Variants in LOC400499 observed in about 807,000 individuals in gnomAD.
chr16:11,387,151 G>C, the LOC400499 span: 1 of 1,232,278 alleles, frequency 8.1e-7, no homozygotes, highest in Non-Finnish European at 1.0e-6. Context: ...TGAGCCAGTA[G>C]TACTCAGCCA....
At chr16:11,402,093 G>A in the LOC400499 span, 1 of 399,228 alleles carries the variant, frequency 2.5e-6, no homozygotes, top group Middle Eastern at 6.3e-4. Flanking sequence ...CCTCCCAAAT[G>A]CTCTGAGGAC....
At chr16:11,505,813 A>G in the LOC400499 span, among the ~76,000 whole-genome samples, 1 of 152,158 alleles carries the variant, frequency 6.6e-6, no homozygotes, top group South Asian at 2.1e-4. Context: ...AATTTGATAC[A>G]TTCATCTAAT....
At chr16:11,497,215 A>T in the LOC400499 span, among the ~76,000 whole-genome samples, 1 of 151,964 alleles carries the variant, frequency 6.6e-6, no homozygotes, top group Non-Finnish European at 1.5e-5. Context: ...GTTGTGTCCC[A>T]TGTGTGTACA....
chr16:11,496,074 T>C, the LOC400499 span, among the ~76,000 whole-genome samples: 4 of 151,386 alleles, frequency 2.6e-5, no homozygotes, highest in African/African-American at 9.7e-5. Flanking sequence ...GTCCTTTTTT[T>C]TTTTTTCTCG....
At chr16:11,384,965 G>A in the LOC400499 span, 3 of 1,232,244 alleles carry the variant, frequency 2.4e-6, no homozygotes, top group Non-Finnish European at 3.0e-6. Flanking sequence ...GTCCTCGCTG[G>A]CCAGCTCAAT....
the LOC400499 span, among the ~76,000 whole-genome samples, chr16:11,482,419 C>A: frequency 2.0e-5 from 3 of 152,320 alleles, no homozygotes; most frequent in South Asian, 4.1e-4. Flanking sequence ...TCTGTAACAT[C>A]CCATCAGGCA....
the LOC400499 span, among the ~76,000 whole-genome samples, chr16:11,434,827 C>T: frequency 1.2e-4 from 19 of 152,170 alleles, no homozygotes; most frequent in African/African-American, 4.3e-4. Flanking sequence ...GACTTGAACC[C>T]AAGTGGTCAC....
At chr16:11,520,960 G>C in the LOC400499 span, among the ~76,000 whole-genome samples, 2 of 152,102 alleles carry the variant, frequency 1.3e-5, no homozygotes, top group Admixed American at 1.3e-4. Flanking sequence ...CTTTTCTTAA[G>C]TGCTTAAAGT....
At chr16:11,397,481 G>T in the LOC400499 span, among the ~76,000 whole-genome samples, 2 of 152,056 alleles carry the variant, frequency 1.3e-5, no homozygotes, top group Admixed American at 6.5e-5. Context: ...CACCATGTTA[G>T]CCAGGATGGT....
chr16:11,390,781 G>A, the LOC400499 span, among the ~76,000 whole-genome samples: 17 of 152,152 alleles, frequency 1.1e-4, no homozygotes, highest in Admixed American at 1.1e-3. Flanking sequence ...CCGGACCCCT[G>A]CTTGCTTCCT....
chr16:11,382,982 C>G, the LOC400499 span, among the ~76,000 whole-genome samples: 46,389 of 151,846 alleles, frequency 0.31, 7,794 homozygotes, highest in African/African-American at 0.43. Context: ...TACAAGCACG[C>G]CTCCAGCATT....
the LOC400499 span, among the ~76,000 whole-genome samples, chr16:11,506,253 G>A: frequency 6.6e-6 from 1 of 152,118 alleles, no homozygotes; most frequent in African/African-American, 2.4e-5. Flanking sequence ...TTGAACTCCT[G>A]ACCTCAGGTG....
the LOC400499 span, chr16:11,460,686 C>T: frequency 6.9e-7 from 1 of 1,457,414 alleles, no homozygotes; most frequent in South Asian, 1.4e-5. Context: ...AGAAGGAGGG[C>T]CCGGCCCAGC....
At chr16:11,522,800 T>C in the LOC400499 span, among the ~76,000 whole-genome samples, 1 of 152,088 alleles carries the variant, frequency 6.6e-6, no homozygotes, top group African/African-American at 2.4e-5. Flanking sequence ...CTGATCTTTA[T>C]AGAAGATAAA....
chr16:11,455,537 C>T, the LOC400499 span, among the ~76,000 whole-genome samples: 1 of 151,880 alleles, frequency 6.6e-6, no homozygotes, highest in African/African-American at 2.4e-5. Context: ...GAGTTCAAGA[C>T]CAGCCTGGCC....
chr16:11,473,191 CAG>C, the LOC400499 span: 1 of 151,380 alleles, frequency 6.6e-6, no homozygotes, highest in Non-Finnish European at 1.5e-5. Context: ...TCAGAAAGCT[CAG>C]AAAGATTTCT....
At chr16:11,481,725 C>T in the LOC400499 span, among the ~76,000 whole-genome samples, 2 of 151,952 alleles carry the variant, frequency 1.3e-5, no homozygotes, top group African/African-American at 2.4e-5. Flanking sequence ...CCCTGCCTCC[C>T]GGTTTTAAGT....
the LOC400499 span, among the ~76,000 whole-genome samples, chr16:11,506,671 C>G: frequency 6.6e-6 from 1 of 152,212 alleles, no homozygotes; most frequent in Non-Finnish European, 1.5e-5. Context: ...CCCTCTGCCC[C>G]CCACATCGAA....
the LOC400499 span, among the ~76,000 whole-genome samples, chr16:11,421,129 C>G: frequency 2.6e-5 from 4 of 152,200 alleles, no homozygotes; most frequent in Middle Eastern, 3.2e-3. Context: ...CCCAGGCACT[C>G]AGGCTCAGGG....
Sources: allele counts gnomAD v4.1 joint callset (sites outside exome capture counted in the v4.1 genomes callset), GRCh38; gene constraint gnomAD v4.1.1; transcripts MANE v1.5.